Variants in TNPO3 observed in about 807,000 individuals in gnomAD.
TNPO3 encodes transportin-3.
A neutral mutation model predicts 122.8 loss-of-function variants in TNPO3; 65 were observed. That is an observed-to-expected ratio of 0.53 (90% confidence interval 0.43 to 0.65). TNPO3 has a LOEUF of 0.65. Ranked by LOEUF, TNPO3 falls within the 30% of genes least tolerant of loss-of-function variation. The probability of loss-of-function intolerance (pLI) is 0.00; values close to 1 mark genes in which losing one functional copy is unlikely to be tolerated. For synonymous variants in TNPO3, 372 were observed against 411.2 expected (o/e 0.90, Z 1.15); for missense variants, 850 against 1,136.7 (o/e 0.75, Z 3.63).
chr7:129,027,196 C>G (rs1805293202), intron 1 of TNPO3, among the ~76,000 whole-genome samples: 1 of 152,130 alleles, frequency 6.6e-6, no homozygotes, highest in Admixed American at 6.5e-5. Context: ...TCTCTCATGA[C>G]ATTTATCGGG....
intron 1 of TNPO3, among the ~76,000 whole-genome samples, chr7:129,039,860 C>G (rs1290624359): frequency 6.6e-6 from 1 of 152,122 alleles, no homozygotes; most frequent in African/African-American, 2.4e-5. Flanking sequence ...TATGAAATAT[C>G]CAGAATAGGC....
intron 1 of TNPO3, among the ~76,000 whole-genome samples, chr7:129,034,381 T>C (rs1307782312): frequency 6.6e-6 from 1 of 152,016 alleles, no homozygotes; most frequent in Non-Finnish European, 1.5e-5. Context: ...TAGTCCCAGC[T>C]ACTGGGGGGT....
intron 19 of TNPO3, among the ~76,000 whole-genome samples, chr7:128,971,963 C>T (rs1322579423): frequency 1.3e-5 from 2 of 152,184 alleles, no homozygotes; most frequent in African/African-American, 4.8e-5. Context: ...CAAGACCAAC[C>T]TGGGCAACAT....
intron 21 of TNPO3, among the ~76,000 whole-genome samples, chr7:128,958,636 G>C (rs1797144150): frequency 6.6e-6 from 1 of 152,178 alleles, no homozygotes; most frequent in Admixed American, 6.5e-5. Context: ...ATCCATTTAG[G>C]TTCCTACATC....
intron 7 of TNPO3, 103 bp downstream of exon 7, chr7:129,000,324 CTG>C (rs1801796882): frequency 2.5e-6 from 3 of 1,224,150 alleles, no homozygotes; most frequent in African/African-American, 1.5e-5. Flanking sequence ...AAAAACAAGA[CTG>C]TAATTTCTCA....
In TNPO3 at chr7:129,005,008, T is replaced by C. The variant is rs754601386; in HGVS notation, c.696+8A>G. On this transcript the variant is annotated splice_region_variant and intron_variant, in intron 5 of 22. Coordinates refer to ENST00000265388, the MANE Select transcript of TNPO3 (RefSeq NM_012470.4). ...AGAAATACTTTGATAAATAAGGTCATTACTTACCAAAACCTCAAAAAGGAG... is the reference window on the plus strand; with the variant it reads ...AGAAATACTTTGATAAATAAGGTCACTACTTACCAAAACCTCAAAAAGGAG... 19 of 1,611,628 alleles carry C rather than the reference T, an allele frequency of 1.2e-5. No individual in the cohort carries two copies. Among genetic ancestry groups the C allele is most frequent in the Non-Finnish European group, 1.5e-5 (18 of 1,178,924 alleles).
intron 8 of TNPO3, among the ~76,000 whole-genome samples, chr7:128,995,722 T>C (rs1433023424): frequency 1.3e-5 from 2 of 152,084 alleles, no homozygotes; most frequent in African/African-American, 4.8e-5. Flanking sequence ...TTTTTGAGAC[T>C]GAGTCTTGCT....
Position 128,970,155 on chromosome 7 carries a change from T to C in TNPO3, c.2591A>G (p.Asp864Gly). The C allele has an allele frequency of 6.2e-7, 1 of 1,614,138 alleles. No homozygotes were observed. Among genetic ancestry groups the C allele is most frequent in the Admixed American group, 1.7e-5 (1 of 60,016 alleles). ...TCATGAAAACAATCTTACCGGTCTG[T>C]CAACCTGCATGATCTCCCAGAGCAC... The part of the protein sequence containing the change: ...AEVLWEIMQV[D>G]RPTFCRWLEN... Residue 864 changes from aspartate (D) to glycine (G), a missense_variant, in exon 20 of 23, where the codon GAC becomes GGC. Asp to Gly is a moderately conservative substitution (Grantham distance 94, BLOSUM62 -1). Transcript: ENST00000265388.
At chr7:128,990,388 G>C (rs561637088) in intron 10 of TNPO3, among the ~76,000 whole-genome samples, 2 of 152,312 alleles carry the variant, frequency 1.3e-5, no homozygotes, top group South Asian at 4.2e-4. Flanking sequence ...CTTTAAATTG[G>C]AGAGGCAGAC....
chr7:128,976,403 A>T (rs1463932542), intron 16 of TNPO3, among the ~76,000 whole-genome samples: 1 of 152,244 alleles, frequency 6.6e-6, no homozygotes, highest in Non-Finnish European at 1.5e-5. Flanking sequence ...TTATCTTTTA[A>T]GTAAAAAATA....
At chr7:128,996,384 T>C (rs1801317035) in intron 8 of TNPO3, among the ~76,000 whole-genome samples, 1 of 152,202 alleles carries the variant, frequency 6.6e-6, no homozygotes, top group Admixed American at 6.5e-5. Flanking sequence ...GGCAAAATCA[T>C]ACACACAAAT....
At chr7:129,031,293 C>T (rs1318712951) in intron 1 of TNPO3, among the ~76,000 whole-genome samples, 1 of 150,302 alleles carries the variant, frequency 6.7e-6, no homozygotes, top group Non-Finnish European at 1.5e-5. Context: ...GAGTGAGGTT[C>T]TATGTCAAAA....
intron 8 of TNPO3, 123 bp downstream of exon 8, chr7:128,997,266 T>C: frequency 1.9e-6 from 2 of 1,032,460 alleles, no homozygotes; most frequent in South Asian, 3.4e-5. Context: ...CCCAAAGTGC[T>C]GGACTACAGG....
chr7:129,043,005 A>G (rs1342868234), intron 1 of TNPO3, among the ~76,000 whole-genome samples: 1 of 152,196 alleles, frequency 6.6e-6, no homozygotes, highest in Admixed American at 6.6e-5. Flanking sequence ...AGTTCAGTCA[A>G]CTTACATTTT....
Position 129,018,003 on chromosome 7 carries a change from G to A in TNPO3, c.275C>T (p.Thr92Ile), listed in dbSNP as rs61756250. 5.9e-4 allele frequency: 957 copies of A among 1,614,004 alleles called. 2 individuals are homozygous for A. The highest frequency in any genetic ancestry group is 7.4e-4 in the Non-Finnish European group (876 of 1,180,030). Residue 92 changes from threonine (T) to isoleucine (I), a missense_variant, in exon 2 of 23, where the codon ACC becomes ATC. Physicochemically the swap from Thr to Ile is moderately conservative, Grantham distance 89 (BLOSUM62 -1). Coordinates refer to ENST00000265388, the MANE Select transcript of TNPO3 (RefSeq NM_012470.4). ...CAAGTCTTTCAAGTTCTGGATATGGGTTAGCAATGAGTCCCGTAAAGAGGC... is the reference window on the plus strand; with the variant it reads ...CAAGTCTTTCAAGTTCTGGATATGGATTAGCAATGAGTCCCGTAAAGAGGC... ...SHASLRDSLL[T>I]HIQNLKDLSP...
Position 129,053,611 on chromosome 7 carries a change from G to C in TNPO3, c.120+1040C>G, listed in dbSNP as rs1230600979. Among the ~76,000 whole-genome samples the C allele has an allele frequency of 2.0e-5, 3 of 151,554 alleles. No individual in the cohort carries two copies. The East Asian group carries it at 5.8e-4, about 29-fold the overall frequency. On this transcript the variant is annotated intron_variant, in intron 1 of 22. Coordinates refer to ENST00000265388, the MANE Select transcript of TNPO3 (RefSeq NM_012470.4). ...TGCAGCCTAGGAGCTGATTTAATAA[G>C]GCAGAGCACCTTTAAGTATCAGTTA...
At chr7:129,042,947 A>G (rs1260839532) in intron 1 of TNPO3, among the ~76,000 whole-genome samples, 1 of 152,144 alleles carries the variant, frequency 6.6e-6, no homozygotes, top group Non-Finnish European at 1.5e-5. Flanking sequence ...ACACTTGGGT[A>G]TACATAAATA....
At chr7:128,975,777 C>A (rs370875496) in intron 17 of TNPO3, 42 bp downstream of exon 17, 2 of 1,248,666 alleles carry the variant, frequency 1.6e-6, no homozygotes, top group South Asian at 2.5e-5. Context: ...GCCTTCAGAC[C>A]CTCTAGGCCT....
intron 1 of TNPO3, among the ~76,000 whole-genome samples, chr7:129,050,054 ACTTTT>A (rs946267155): frequency 1.3e-4 from 20 of 152,086 alleles, no homozygotes; most frequent in South Asian, 4.2e-4. Flanking sequence ...CGAGACCCCA[ACTTTT>A]CTTTTCTTTT....
Sources: gnomAD v4.1 joint callset for allele counts (sites outside exome capture counted in the v4.1 genomes callset) on GRCh38, gnomAD v4.1.1 for gene constraint, MANE v1.5 for transcripts, NCBI Gene and HGNC (gene_info 2026-07-23, HGNC 2026-07-21) for gene names.